Variants in FBN3 observed in about 807,000 individuals in gnomAD.
The protein encoded by FBN3 is fibrillin-3.
FBN3 carries 234 observed loss-of-function variants against 330.1 expected under a neutral mutation model. That is an observed-to-expected ratio of 0.71 (90% CI 0.64 to 0.79). FBN3 has a LOEUF of 0.79. FBN3 is among the 30% of genes least tolerant of loss of function. The pLI is 0.00. For synonymous variants in FBN3, 1,458 were observed against 1,517.3 expected (o/e 0.96, Z 0.91); for missense variants, 3,606 against 3,886.9 (o/e 0.93, Z 1.92).
At chr19:8,108,317 C>G (rs745431128) in intron 36 of FBN3, 79 bp from the exon 37 acceptor site, 2 of 1,158,518 alleles carry the variant, frequency 1.7e-6, no homozygotes, top group Non-Finnish European at 2.5e-6. Context: ...CAGCAGGAAG[C>G]CTGAAAAGGG....
intron 38 of FBN3, 120 bp from the exon 39 acceptor site, chr19:8,103,807 C>A: frequency 1.1e-6 from 1 of 892,778 alleles, no homozygotes; most frequent in African/African-American, 1.7e-5. Context: ...GTTTCAAAAT[C>A]AGTTTAAAAC....
chr19:8,083,120 T>C (rs760262549), intron 57 of FBN3, 127 bp downstream of exon 57: 207 of 1,152,766 alleles, frequency 1.8e-4, no homozygotes, highest in Non-Finnish European at 2.6e-4. Flanking sequence ...CTGTATGGTT[T>C]GGGCACCACT....
intron 8 of FBN3, among the ~76,000 whole-genome samples, chr19:8,139,788 T>C (rs1026622696): frequency 1.3e-5 from 2 of 151,954 alleles, no homozygotes; most frequent in African/African-American, 4.8e-5. Flanking sequence ...TTAAAGAGCA[T>C]ATTTTTAGGC....
chr19:8,108,137 G>A, intron 37 of FBN3, 33 bp downstream of exon 37: 1 of 1,599,528 alleles, frequency 6.3e-7, no homozygotes, highest in South Asian at 1.1e-5. Context: ...TCTCTAGGCA[G>A]ACAGATGGAT....
At chr19:8,110,748 C>T in intron 34 of FBN3, 97 bp downstream of exon 34, 1 of 1,518,688 alleles carries the variant, frequency 6.6e-7, no homozygotes, top group South Asian at 1.2e-5. Flanking sequence ...GGGGAGGATG[C>T]TTGAAAAGAG....
At chr19:8,132,953 C>T in intron 14 of FBN3, 31 bp downstream of exon 14, 1 of 1,526,844 alleles carries the variant, frequency 6.5e-7, no homozygotes. Flanking sequence ...TCCCTTCTCC[C>T]CTCCGCTGGC....
chr19:8,132,838 C>A, intron 14 of FBN3, 146 bp downstream of exon 14: 1 of 953,484 alleles, frequency 1.0e-6, no homozygotes, highest in Non-Finnish European at 1.5e-6. Flanking sequence ...CTTTTCCCTC[C>A]TCCTCCTCTT....
In FBN3 at chr19:8,109,622, T is replaced by G; in HGVS notation, c.4456+9A>C. 1 of 1,591,966 alleles carries G rather than the reference T, an allele frequency of 6.3e-7. No homozygotes were observed. The highest frequency in any genetic ancestry group is 2.2e-5 in the East Asian group (1 of 44,652). ...CAGAACCCTGATCTGGAGTTGAGCA[T>G]GGACTCACCCACGCAGCCCACTCCG... On this transcript the variant is annotated intron_variant, in intron 35 of 63. Coordinates refer to ENST00000600128, the MANE Select transcript of FBN3 (RefSeq NM_032447.5). The surrounding 1 kb of genome is among the most constrained non-coding windows in gnomAD (Gnocchi z 5.2).
Position 8,147,183 on chromosome 19 carries a change from C to G in FBN3, c.171G>C (p.Pro57=), listed in dbSNP as rs772446484. Residue 57 remains proline (P), a synonymous_variant, in exon 3 of 64, where the codon CCG becomes CCC. Coordinates refer to ENST00000600128, the MANE Select transcript of FBN3 (RefSeq NM_032447.5). ...CATGGAACCGGGAGCCGCACACATTCGGCCTTCGGGGACAGCGAGATGGGT... is the reference window on the plus strand; with the variant it reads ...CATGGAACCGGGAGCCGCACACATTGGGCCTTCGGGGACAGCGAGATGGGT... ...RRGSPGILQG[P]NVCGSRFHAY... 4.5e-6 allele frequency: 7 copies of G among 1,567,250 alleles called. No homozygotes were observed. The East Asian group carries it at 1.2e-4, about 26-fold the overall frequency.
chr19:8,075,390 T>G lies in FBN3; in HGVS notation c.7475A>C (p.Gln2492Pro). The G allele has an allele frequency of 6.2e-7, 1 of 1,613,996 alleles. No homozygotes were observed. The highest frequency in any genetic ancestry group is 8.5e-7 in the Non-Finnish European group (1 of 1,180,010). The change falls in exon 60 of 64, where the codon CAG becomes CCG. Residue 2492 changes from glutamine to proline, a missense_variant. Transcript: ENST00000600128. ...CCCGTGGGCACCACATGGGCCAGGC[T>G]GGGCTGAGCACTCATCATTGTCTGC... ...ACFDNDECSA[Q>P]PGPCGAHGHC...
At position 8,117,461 on chromosome 19, in the gene FBN3, C is replaced by T. The variant is rs192897269; in HGVS notation, c.3463+3G>A. 6.4e-3 allele frequency: 9,947 copies of T among 1,561,612 alleles called. 44 individuals carry two copies. Among genetic ancestry groups the T allele is most frequent in the Middle Eastern group, 8.7e-3 (52 of 5,950 alleles). On this transcript the variant is annotated splice_donor_region_variant and intron_variant, in intron 27 of 63. Transcript: ENST00000600128. ...AGGGGCCAGCAGGTGGGCACAGTCTCACCCACGCAGCCCTGGCGGTCAGGT... is the reference window on the plus strand; with the variant it reads ...AGGGGCCAGCAGGTGGGCACAGTCTTACCCACGCAGCCCTGGCGGTCAGGT...
At chr19:8,078,693 G>C (rs1315422290) in intron 59 of FBN3, among the ~76,000 whole-genome samples, 1 of 151,962 alleles carries the variant, frequency 6.6e-6, no homozygotes, top group East Asian at 1.9e-4. Context: ...GGGATTACAG[G>C]TGTGAGCCAT....
At position 8,125,945 on chromosome 19, in the gene FBN3, C is replaced by A. The variant is rs201219606; in HGVS notation, c.2678G>T (p.Arg893Leu). 17 of 1,613,754 alleles carry A rather than the reference C, an allele frequency of 1.1e-5. No homozygotes were observed. The highest frequency in any genetic ancestry group is 1.7e-5 in the Admixed American group (1 of 59,958). ...CATCAGGCCCTCTGGACACTCACAG[C>A]GGAAAGACCCAGCAGTGTTGACGCA... is the stretch of plus-strand genomic sequence containing the variant. The part of the protein sequence containing the change: ...GRCVNTAGSF[R>L]CECPEGLMLD... The change falls in exon 22 of 64, where the codon CGC becomes CTC. Residue 893 changes from arginine (R) to leucine (L), a missense_variant. Coordinates refer to ENST00000600128, the MANE Select transcript of FBN3 (RefSeq NM_032447.5).
chr19:8,072,545 C>T (rs144062146), intron 62 of FBN3, among the ~76,000 whole-genome samples: 5 of 152,008 alleles, frequency 3.3e-5, no homozygotes, highest in East Asian at 3.9e-4. Flanking sequence ...CATGTGTGCT[C>T]GTAGGAATGT....
chr19:8,075,125 G>C lies in FBN3; in HGVS notation c.7648C>G (p.Arg2550Gly). 1 of 1,588,680 alleles carries C rather than the reference G, an allele frequency of 6.3e-7. No homozygotes were observed. The highest frequency in any genetic ancestry group is 1.1e-5 in the South Asian group (1 of 87,170). Residue 2550 changes from arginine to glycine, a missense_variant, in exon 61 of 64, where the codon CGC becomes GGC. By Grantham distance (125) the Arg-to-Gly change is moderately radical (BLOSUM62 -2). Transcript: ENST00000600128. ...GTGAAACCCTGGGGGCAGCTGCAGC[G>C]GTAGCCCCCTAGCTGGTTCTGACAG... The part of the protein sequence containing the change: ...HGCQNQLGGY[R>G]CSCPQGFTQH...
chr19:8,131,585 C>A lies in FBN3; in HGVS notation c.1959G>T (p.Glu653Asp). 6.2e-7 allele frequency: 1 copy of A among 1,612,238 alleles called. No individual in the cohort carries two copies. The highest frequency in any genetic ancestry group is 8.5e-7 in the Non-Finnish European group (1 of 1,178,786). ...CTTTGGCAGGACAAAGCTGGCAGGG[C>A]TCCCCAAAACCGTGGTCCGGATTGG... ...CCANPDHGFG[E>D]PCQLCPAKDS... is the part of the protein sequence containing the mutation. Residue 653 changes from glutamate (E) to aspartate (D), a missense_variant, in exon 15 of 64, where the codon GAG becomes GAT. Physicochemically the swap from Glu to Asp is conservative, Grantham distance 45 (BLOSUM62 2). Coordinates refer to ENST00000600128, the MANE Select transcript of FBN3 (RefSeq NM_032447.5). This position sits in a 1 kb window ranked among gnomAD's most constrained non-coding sequence, Gnocchi z 4.5.
chr19:8,069,132 C>T (rs969813143), intron 63 of FBN3, among the ~76,000 whole-genome samples: 4 of 152,132 alleles, frequency 2.6e-5, no homozygotes, highest in African/African-American at 9.7e-5. Flanking sequence ...CCAAGCAGGG[C>T]TGGAGAGGAG....
intron 48 of FBN3, among the ~76,000 whole-genome samples, chr19:8,090,480 G>C (rs76506353): frequency 7.4e-6 from 1 of 134,568 alleles, no homozygotes; most frequent in Non-Finnish European, 1.6e-5. Flanking sequence ...TGTTGGTGGT[G>C]GTGGTGGTTT....
rs913018701 is a variant in FBN3 at position 8,100,063 on chromosome 19, GCACC to G, written c.5161+834_5161+837del. On this transcript the variant is annotated intron_variant, in intron 41 of 63. Coordinates refer to ENST00000600128, the MANE Select transcript of FBN3 (RefSeq NM_032447.5). The stretch of plus-strand genomic sequence containing the variant: ...ATTTGACACAAACTGCAACACGGAT[GCACC>G]TTGAGGACATCATGTTCAGTGAAAT... Among the ~76,000 whole-genome samples, 11 of 150,964 alleles carry G rather than the reference GCACC, an allele frequency of 7.3e-5. 1 individual carries two copies. Among genetic ancestry groups the G allele is most frequent in the Admixed American group, 7.3e-4 (11 of 15,168 alleles).
Sources: allele counts gnomAD v4.1 joint callset (sites outside exome capture counted in the v4.1 genomes callset), GRCh38; gene constraint gnomAD v4.1.1; non-coding constraint Gnocchi (gnomAD v3.1); transcripts MANE v1.5; gene names NCBI Gene and HGNC (gene_info 2026-07-23, HGNC 2026-07-21).